The following ATOSA variants were observed in gnomAD, a reference collection of about 807,000 sequenced individuals.
The protein encoded by ATOSA is atos homolog A.
At chr15:52,636,915 T>C in the ATOSA span, among the ~76,000 whole-genome samples, 1 of 152,162 alleles carries the variant, frequency 6.6e-6, no homozygotes, top group African/African-American at 2.4e-5. Flanking sequence ...AATTTGGGGA[T>C]GCATGCTCAG....
At chr15:52,618,136 T>A in the ATOSA span, among the ~76,000 whole-genome samples, 1 of 152,156 alleles carries the variant, frequency 6.6e-6, no homozygotes, top group South Asian at 2.1e-4. Context: ...CCTCCCAGGT[T>A]CACGCCATTC....
the ATOSA span, among the ~76,000 whole-genome samples, chr15:52,626,529 GA>G: frequency 7.8e-5 from 11 of 141,674 alleles, no homozygotes; most frequent in African/African-American, 1.3e-4. Context: ...AGGGAAAGCT[GA>G]AAAAAAAAAA....
the ATOSA span, among the ~76,000 whole-genome samples, chr15:52,698,942 G>A: frequency 6.6e-6 from 1 of 152,182 alleles, no homozygotes; most frequent in African/African-American, 2.4e-5. Context: ...CTCGAGCCAT[G>A]GCAAAACTTT....
the ATOSA span, among the ~76,000 whole-genome samples, chr15:52,635,774 G>C: frequency 6.6e-6 from 1 of 152,044 alleles, no homozygotes; most frequent in East Asian, 1.9e-4. Flanking sequence ...AAGGTGGGTG[G>C]ATCACGAGGT....
At chr15:52,654,577 CCT>C in the ATOSA span, among the ~76,000 whole-genome samples, 2 of 152,126 alleles carry the variant, frequency 1.3e-5, no homozygotes, top group Non-Finnish European at 2.9e-5. Context: ...TTCCCCTGCT[CCT>C]CCGGAACACA....
the ATOSA span, among the ~76,000 whole-genome samples, chr15:52,608,009 C>T: frequency 0.9 from 136,294 of 152,162 alleles, 61,099 homozygotes; most frequent in East Asian, 1. Context: ...GCCTCCCAAA[C>T]AGTTGGGCCT....
chr15:52,656,442 C>G, the ATOSA span: 1 of 152,032 alleles, frequency 6.6e-6, no homozygotes, highest in Admixed American at 6.6e-5. Context: ...AATGGCCAAA[C>G]AGCAACCAAA....
chr15:52,669,491 C>A, the ATOSA span, among the ~76,000 whole-genome samples: 1 of 152,168 alleles, frequency 6.6e-6, no homozygotes, highest in Middle Eastern at 3.2e-3. Flanking sequence ...ACCATGATCT[C>A]TCTTCACAAA....
chr15:52,636,514 T>C, the ATOSA span, among the ~76,000 whole-genome samples: 1 of 152,192 alleles, frequency 6.6e-6, no homozygotes, highest in Non-Finnish European at 1.5e-5. Context: ...TGTTATATTC[T>C]TTATATTATC....
At chr15:52,610,973 C>G in the ATOSA span, among the ~76,000 whole-genome samples, 1 of 152,192 alleles carries the variant, frequency 6.6e-6, no homozygotes, top group South Asian at 2.1e-4. Context: ...TTGAGTCAAT[C>G]CAAATCTCTC....
the ATOSA span, among the ~76,000 whole-genome samples, chr15:52,591,897 T>C: frequency 2.0e-5 from 3 of 152,338 alleles, no homozygotes; most frequent in Middle Eastern, 3.4e-3. Flanking sequence ...GGCATCTTCA[T>C]GCTTATGACC....
chr15:52,623,441 T>C, the ATOSA span, among the ~76,000 whole-genome samples: 162 of 152,008 alleles, frequency 1.1e-3, 2 homozygotes, highest in Non-Finnish European at 1.6e-3. Flanking sequence ...CGCATTTGGA[T>C]AGTATTTAGA....
chr15:52,639,124 A>G, the ATOSA span, among the ~76,000 whole-genome samples: 1 of 151,916 alleles, frequency 6.6e-6, no homozygotes, highest in Non-Finnish European at 1.5e-5. Flanking sequence ...GCTTAAATTA[A>G]AAGTTTACCT....
At chr15:52,609,929 G>C in the ATOSA span, 6 of 1,610,964 alleles carry the variant, frequency 3.7e-6, no homozygotes, top group Non-Finnish European at 4.2e-6. Context: ...GATGTTTCTT[G>C]TGATTTTATA....
At chr15:52,630,978 A>C in the ATOSA span, among the ~76,000 whole-genome samples, 1 of 152,198 alleles carries the variant, frequency 6.6e-6, no homozygotes, top group Non-Finnish European at 1.5e-5. Context: ...ATTTTAAAAG[A>C]GACAACACAG....
At chr15:52,605,359 G>A in the ATOSA span, 2 of 682,236 alleles carry the variant, frequency 2.9e-6, no homozygotes, top group Non-Finnish European at 2.4e-6. Flanking sequence ...TATTGCTGGT[G>A]AAGCTGGTGA....
the ATOSA span, chr15:52,629,544 C>T: frequency 3.6e-6 from 1 of 276,036 alleles, no homozygotes; most frequent in Non-Finnish European, 7.3e-6. Flanking sequence ...TGGCTCATGC[C>T]TGTAATCCCA....
the ATOSA span, among the ~76,000 whole-genome samples, chr15:52,608,301 T>A: frequency 6.6e-6 from 1 of 152,170 alleles, no homozygotes; most frequent in African/African-American, 2.4e-5. Flanking sequence ...ACAATTACTG[T>A]CCTATTAACA....
At chr15:52,582,236 A>G in the ATOSA span, 1 of 1,603,588 alleles carries the variant, frequency 6.2e-7, no homozygotes. Flanking sequence ...ATCAACCTCC[A>G]TTGACTTTCT....
Sources: allele counts gnomAD v4.1 joint callset (sites outside exome capture counted in the v4.1 genomes callset), GRCh38; gene constraint gnomAD v4.1.1; transcripts MANE v1.5; gene names NCBI Gene and HGNC (gene_info 2026-07-23, HGNC 2026-07-21).